The following KDM4B variants were observed in gnomAD, a reference collection of about 807,000 sequenced individuals.
KDM4B encodes the protein lysine-specific demethylase 4B.
In KDM4B, 32 loss-of-function variants were observed where a neutral mutation model predicts 125.2. The observed-to-expected ratio is 0.26, with a 90% CI of 0.19 to 0.34. The LOEUF is 0.34. Among genes scored for constraint, KDM4B ranks in the 10% least tolerant of loss-of-function variants. The pLI is 1.00. For missense variants in KDM4B, 1,190 were observed against 1,577.7 expected (o/e 0.75, Z 4.16); for synonymous variants, 721 against 677.9 (o/e 1.06, Z -0.99).
chr19:5,077,636 G>C (rs1366776323), intron 8 of KDM4B, 166 bp downstream of exon 8: 1 of 596,760 alleles, frequency 1.7e-6, no homozygotes, highest in Non-Finnish European at 3.0e-6. Flanking sequence ...TTAGCCTCCA[G>C]CTCTTCCACG....
chr19:4,986,218 A>G (rs2034826441), intron 1 of KDM4B, among the ~76,000 whole-genome samples: 1 of 152,124 alleles, frequency 6.6e-6, no homozygotes, highest in Non-Finnish European at 1.5e-5. Context: ...GCGGCCTCAC[A>G]GGGGCTTCAC....
intron 6 of KDM4B, among the ~76,000 whole-genome samples, chr19:5,064,273 G>A (rs949750418): frequency 1.3e-5 from 2 of 152,220 alleles, no homozygotes; most frequent in Admixed American, 6.5e-5. Context: ...CCAGCGTGAC[G>A]TGCACGGGCT....
intron 6 of KDM4B, among the ~76,000 whole-genome samples, chr19:5,065,610 G>A (rs1211768637): frequency 6.6e-6 from 1 of 152,240 alleles, no homozygotes; most frequent in Non-Finnish European, 1.5e-5. Flanking sequence ...ATCCTCTGCG[G>A]TGGACAGAAA....
At chr19:5,103,470 C>T (rs778728061) in intron 9 of KDM4B, among the ~76,000 whole-genome samples, 8 of 152,194 alleles carry the variant, frequency 5.3e-5, no homozygotes, top group Non-Finnish European at 8.8e-5. Flanking sequence ...TCAAGAATAT[C>T]GGGCTGTCGG....
chr19:5,041,080 G>A, intron 4 of KDM4B, 57 bp from the exon 5 acceptor site: 1 of 1,180,558 alleles, frequency 8.5e-7, no homozygotes, highest in Non-Finnish European at 1.2e-6. Flanking sequence ...GGCTGAGGGT[G>A]GGCTGCGTAG....
At chr19:4,992,951 CT>C (rs2035074897) in intron 1 of KDM4B, among the ~76,000 whole-genome samples, 1 of 152,154 alleles carries the variant, frequency 6.6e-6, no homozygotes, top group Non-Finnish European at 1.5e-5. Context: ...GATCTGAATT[CT>C]TTTCAATTTA....
chr19:5,031,405 C>T (rs953521091), intron 2 of KDM4B, among the ~76,000 whole-genome samples: 7 of 152,224 alleles, frequency 4.6e-5, no homozygotes, highest in Non-Finnish European at 8.8e-5. Context: ...GTGCCGTGCA[C>T]GGTGCACTTG....
intron 1 of KDM4B, among the ~76,000 whole-genome samples, chr19:4,987,577 CT>C (rs1194338093): frequency 6.6e-6 from 1 of 152,128 alleles, no homozygotes; most frequent in Non-Finnish European, 1.5e-5. Flanking sequence ...TCATGCTGAT[CT>C]TAGCTGTTAG....
intron 1 of KDM4B, among the ~76,000 whole-genome samples, chr19:5,016,004 C>G (rs1270350319): frequency 3.3e-5 from 5 of 152,222 alleles, no homozygotes; most frequent in African/African-American, 1.2e-4. Context: ...TTTGACTGTT[C>G]ACGGATACTC....
At chr19:5,127,985 G>C (rs1365601308) in intron 11 of KDM4B, among the ~76,000 whole-genome samples, 2 of 152,136 alleles carry the variant, frequency 1.3e-5, no homozygotes, top group Admixed American at 6.5e-5. Context: ...CTGTGTCTCT[G>C]GCCCCACAGC....
rs1413115963 is a variant in KDM4B, at chr19:5,035,934, CACACAG to C, written c.141+2904_141+2909del. On this transcript the variant is annotated intron_variant, in intron 3 of 22. Transcript: ENST00000159111. This position sits in a 1 kb window ranked among gnomAD's most constrained non-coding sequence, Gnocchi z 5.3. ...GAGACTGAGGTGGGGAGGCAGCTCT[CACACAG>C]CCCAGAGAGCTTGGCAGCTGCAGAG... Among the ~76,000 whole-genome samples the C allele has an allele frequency of 6.6e-6, 1 of 151,718 alleles. No individual in the cohort carries two copies. The highest frequency in any genetic ancestry group is 1.5e-5 in the Non-Finnish European group (1 of 67,940).
intron 9 of KDM4B, among the ~76,000 whole-genome samples, chr19:5,107,535 C>T (rs1364294340): frequency 1.3e-5 from 2 of 152,184 alleles, no homozygotes; most frequent in Admixed American, 1.3e-4. Flanking sequence ...GCGAGGTCTG[C>T]CCTGCCGGAG....
At chr19:5,046,632 C>T (rs564452406) in intron 5 of KDM4B, among the ~76,000 whole-genome samples, 77 of 152,232 alleles carry the variant, frequency 5.1e-4, no homozygotes, top group South Asian at 8.3e-4. Flanking sequence ...TGGGACAGGA[C>T]GGGGTTTGTT....
rs573891336 is a variant in KDM4B, at chr19:5,043,157, A to T, written c.432+1906A>T. Among the ~76,000 whole-genome samples, 5 of 150,270 alleles carry T rather than the reference A, an allele frequency of 3.3e-5. No individual in the cohort carries two copies. In the East Asian group the frequency reaches 6.0e-4, roughly 18 times the overall value. The stretch of plus-strand genomic sequence containing the variant: ...GTCCACCTTGTCCCGAGTGGTGTTT[A>T]TCGGAGTGGGGGTGTCCACCTTATC... On this transcript the variant is annotated intron_variant, in intron 5 of 22. Coordinates refer to ENST00000159111, the MANE Select transcript of KDM4B (RefSeq NM_015015.3).
intron 1 of KDM4B, among the ~76,000 whole-genome samples, chr19:5,000,744 G>T (rs2035358435): frequency 6.6e-6 from 1 of 152,078 alleles, no homozygotes; most frequent in Non-Finnish European, 1.5e-5. Flanking sequence ...ATAAGGTTTG[G>T]TTTACTTGTT....
At position 5,134,059 on chromosome 19, in the gene KDM4B, C is replaced by G; in HGVS notation, c.2083C>G (p.Gln695Glu). 1 of 1,583,286 alleles carries G rather than the reference C, an allele frequency of 6.3e-7. No individual in the cohort carries two copies. The highest frequency in any genetic ancestry group is 8.6e-7 in the Non-Finnish European group (1 of 1,162,514). Reference protein sequence around the residue: ...AICTLFYPYCQALQTEKEAPI... With the variant: ...AICTLFYPYCEALQTEKEAPI... ...CTGCACGCTCTTCTACCCCTACTGC[C>G]AGGTGGGCAGGCGGGCCTCACGGGT... Residue 695 changes from glutamine to glutamate, a missense_variant and splice_region_variant, in exon 14 of 23, where the codon CAG (glutamine) becomes GAG (glutamate). By Grantham distance (29) the Gln-to-Glu change is conservative. Coordinates refer to ENST00000159111, the MANE Select transcript of KDM4B (RefSeq NM_015015.3).
chr19:5,116,235 T>TAAAAAAAAAAAAAAAAAAAAAAAAAAAA (rs35940660), intron 10 of KDM4B, among the ~76,000 whole-genome samples: 1 of 40,382 alleles, frequency 2.5e-5, no homozygotes, highest in African/African-American at 7.9e-5. Flanking sequence ...ACCACATCTC[T>TAAAAAAAAAAAAAAAAAAAAAAAAAAAA]AAAAAAAAAA....
chr19:5,138,342 C>T (rs763935966), intron 18 of KDM4B: 1 of 493,334 alleles, frequency 2.0e-6, no homozygotes, highest in African/African-American at 1.9e-5. Flanking sequence ...GGGGCATCCT[C>T]TGCAGAATCG....
chr19:4,994,020 G>GTTTTTTT (rs55641886), intron 1 of KDM4B, among the ~76,000 whole-genome samples: 182 of 66,648 alleles, frequency 2.7e-3, no homozygotes, highest in Non-Finnish European at 3.6e-3. Context: ...TTTTCAGCCT[G>GTTTTTTT]TTTTTTTTTT....
Sources: gnomAD v4.1 joint callset for allele counts (sites outside exome capture counted in the v4.1 genomes callset) on GRCh38, gnomAD v4.1.1 for gene constraint, Gnocchi (gnomAD v3.1) non-coding constraint, MANE v1.5 for transcripts, NCBI Gene and HGNC (gene_info 2026-07-23, HGNC 2026-07-21) for gene names.